Variants in CTNNB1 observed in about 807,000 individuals in gnomAD.
CTNNB1 encodes the protein catenin beta 1.
Under a neutral mutation model 82.5 loss-of-function variants are expected in CTNNB1, and 6 were observed. The observed-to-expected ratio is 0.07, with a 90% CI of 0.04 to 0.14. The LOEUF (loss-of-function observed/expected upper bound fraction) is 0.14, where lower values mean the gene tolerates loss of function less well. Among genes scored for constraint, CTNNB1 ranks in the 10% least tolerant of loss-of-function variants. The pLI is 1.00. For missense variants in CTNNB1, 529 were observed against 980.4 expected (o/e 0.54, Z 6.15); for synonymous variants, 312 against 329.7 (o/e 0.95, Z 0.58).
intron 1 of CTNNB1, among the ~76,000 whole-genome samples, chr3:41,208,985 C>T (rs1008871565): frequency 6.6e-6 from 1 of 152,192 alleles, no homozygotes; most frequent in Non-Finnish European, 1.5e-5. Context: ...TTCTTTTGAA[C>T]CCCTGCCAGT....
At chr3:41,228,724 C>A (rs1444886460) in intron 7 of CTNNB1, among the ~76,000 whole-genome samples, 1 of 152,150 alleles carries the variant, frequency 6.6e-6, no homozygotes, top group East Asian at 1.9e-4. Context: ...CGCAGAAGCT[C>A]TTTATACTGT....
chr3:41,228,454 A>G (rs1257202582), intron 7 of CTNNB1, among the ~76,000 whole-genome samples: 2 of 152,072 alleles, frequency 1.3e-5, no homozygotes, highest in African/African-American at 2.4e-5. Context: ...TTTGATTTGC[A>G]TTTCTCTAAT....
chr3:41,236,239 C>A, intron 11 of CTNNB1, 110 bp from the exon 12 acceptor site: 2 of 1,207,954 alleles, frequency 1.7e-6, no homozygotes, highest in African/African-American at 3.0e-5. Context: ...TTATTTACTA[C>A]AGTGTGAATG....
chr3:41,222,227 C>T (rs2078066820), intron 1 of CTNNB1: 1 of 152,186 alleles, frequency 6.6e-6, no homozygotes, highest in African/African-American at 2.4e-5. Flanking sequence ...GAAGGCTTTC[C>T]TTTTCCTTTC....
Position 41,222,018 on chromosome 3 carries a change from C to G in CTNNB1, c.-48-2003C>G, listed in dbSNP as rs1027804004. 17 of 152,040 alleles carry G rather than the reference C, an allele frequency of 1.1e-4. 1 individual carries two copies. Among genetic ancestry groups the G allele is most frequent in the East Asian group, 1.9e-4 (1 of 5,178 alleles). The allele number at this position is 152,040 out of a possible 1,614,324, so 9.4% of individuals were successfully genotyped here. On this transcript the variant is annotated intron_variant, in intron 1 of 14. Coordinates refer to ENST00000349496, the MANE Select transcript of CTNNB1 (RefSeq NM_001904.4). ...AAATTGAAGTGTTCTGTTTCTCTCT[C>G]CACCCTATCCCTAGTTTCAAGTTTT...
chr3:41,217,993 CAT>C (rs1347033947), intron 1 of CTNNB1, among the ~76,000 whole-genome samples: 1 of 152,108 alleles, frequency 6.6e-6, no homozygotes, highest in African/African-American at 2.4e-5. Flanking sequence ...CAAATTATCT[CAT>C]GTTTCCCTTT....
chr3:41,213,480 A>T (rs1411350555), intron 1 of CTNNB1, among the ~76,000 whole-genome samples: 1 of 152,208 alleles, frequency 6.6e-6, no homozygotes, highest in Non-Finnish European at 1.5e-5. Flanking sequence ...TCAAGAATGC[A>T]GGGACCATGT....
chr3:41,233,612 T>G lies in CTNNB1; in HGVS notation c.1269T>G (p.Ile423Met), dbSNP rs2125639168. 1 of 1,614,190 alleles carries G rather than the reference T, an allele frequency of 6.2e-7. No homozygotes were observed. Among genetic ancestry groups the G allele is most frequent in the Non-Finnish European group, 8.5e-7 (1 of 1,180,036 alleles). ...DINVVTCAAGILSNLTCNNYK... is the reference protein window; with the variant it reads ...DINVVTCAAGMLSNLTCNNYK... ...ATGTGGTCACCTGTGCAGCTGGAAT[T>G]CTTTCTAACCTCACTTGCAATAATT... is the stretch of plus-strand genomic sequence containing the variant. Residue 423 changes from isoleucine to methionine, a missense_variant, in exon 9 of 15, where the codon ATT (isoleucine) becomes ATG (methionine). By Grantham distance (10) the Ile-to-Met change is conservative. Transcript: ENST00000349496.
At chr3:41,212,818 A>T (rs2077825831) in intron 1 of CTNNB1, among the ~76,000 whole-genome samples, 1 of 151,960 alleles carries the variant, frequency 6.6e-6, no homozygotes, top group Admixed American at 6.6e-5. Flanking sequence ...CTGTTATTTA[A>T]TTTTTCTCAT....
intron 1 of CTNNB1, among the ~76,000 whole-genome samples, chr3:41,207,337 CATT>C (rs2077671752): frequency 6.6e-6 from 1 of 152,142 alleles, no homozygotes; most frequent in Admixed American, 6.5e-5. Context: ...AGAGCGCCCT[CATT>C]ATATGCTAAA....
chr3:41,216,472 G>A (rs1471494728), intron 1 of CTNNB1, among the ~76,000 whole-genome samples: 2 of 152,210 alleles, frequency 1.3e-5, no homozygotes, highest in Admixed American at 6.5e-5. Flanking sequence ...ATTGACACAT[G>A]TAAAGTGACA....
chr3:41,236,564 G>A (rs763812079), intron 12 of CTNNB1, 24 bp from the exon 13 acceptor site: 1 of 1,614,014 alleles, frequency 6.2e-7, no homozygotes. Context: ...TTTCCTCAAG[G>A]GCCTTTTTCT....
At chr3:41,239,026 T>C (rs1409964416) in intron 14 of CTNNB1, 108 bp from the exon 15 acceptor site, 6 of 933,202 alleles carry the variant, frequency 6.4e-6, no homozygotes, top group Non-Finnish European at 6.9e-6. Context: ...ACAAGTTTGC[T>C]GCTGAACTTT....
At chr3:41,236,145 A>G (rs2078429776) in intron 11 of CTNNB1, 1 of 774,212 alleles carries the variant, frequency 1.3e-6, no homozygotes, top group Non-Finnish European at 2.1e-6. Flanking sequence ...CTGCCTCTGA[A>G]GAAAGGGTTT....
intron 10 of CTNNB1, 174 bp downstream of exon 10, chr3:41,234,471 A>C: frequency 2.9e-6 from 2 of 699,748 alleles, no homozygotes; most frequent in South Asian, 3.4e-5. Context: ...AAAATAAGGC[A>C]TAGTGTGGCC....
At chr3:41,217,903 A>G (rs956509032) in intron 1 of CTNNB1, among the ~76,000 whole-genome samples, 1 of 151,980 alleles carries the variant, frequency 6.6e-6, no homozygotes, top group African/African-American at 2.4e-5. Context: ...GCCTTTAATT[A>G]TGTTACGGAT....
intron 14 of CTNNB1, chr3:41,238,303 G>A: frequency 1.8e-6 from 1 of 565,902 alleles, no homozygotes. Context: ...ACAAATACAT[G>A]CTACTGCTAG....
intron 6 of CTNNB1, 135 bp from the exon 7 acceptor site, chr3:41,227,073 G>T (rs1575319764): frequency 1.3e-6 from 1 of 745,210 alleles, no homozygotes; most frequent in East Asian, 2.6e-5. Flanking sequence ...GAGTGATGGG[G>T]TCCAGGAATA....
chr3:41,201,226 A>G lies in CTNNB1; in HGVS notation c.-49+1556A>G, dbSNP rs991858742. ...TATAGTCTCAAGTGTTATTTATGTT[A>G]TACTGCTGGTTTATTCTCTGCTTAA... On this transcript the variant is annotated intron_variant, in intron 1 of 14. Transcript: ENST00000349496. 2.0e-5 allele frequency among the ~76,000 whole-genome samples: 3 copies of G among 152,324 alleles called. No homozygotes were observed. The East Asian group carries it at 5.8e-4, about 29-fold the overall frequency.
Sources: allele counts gnomAD v4.1 joint callset (sites outside exome capture counted in the v4.1 genomes callset), GRCh38; gene constraint gnomAD v4.1.1; transcripts MANE v1.5; gene names NCBI Gene and HGNC (gene_info 2026-07-23, HGNC 2026-07-21).